Variants in ADGRL1 observed in about 807,000 individuals in gnomAD.
The protein encoded by ADGRL1 is adhesion G protein-coupled receptor L1, also known as CIRL-1.
In ADGRL1, 31 loss-of-function variants were observed where a neutral mutation model predicts 148.9. The ratio of observed to expected loss-of-function variants is 0.21; its 90% CI spans 0.16 to 0.28. The LOEUF is 0.28. ADGRL1 is among the 10% of genes least tolerant of loss of function. The pLI is 1.00. For synonymous variants in ADGRL1, 937 were observed against 900.3 expected (o/e 1.04, Z -0.73); for missense variants, 1,521 against 2,058.8 (o/e 0.74, Z 5.05).
At chr19:14,202,371 GCCT>G (rs1972670612) in intron 1 of ADGRL1, among the ~76,000 whole-genome samples, 1 of 151,980 alleles carries the variant, frequency 6.6e-6, no homozygotes, top group Non-Finnish European at 1.5e-5. Context: ...TCCCGCCTCA[GCCT>G]CCCTGGTAGC....
chr19:14,160,032 G>A lies in ADGRL1; in HGVS notation c.1800+80C>T, dbSNP rs1238385035. 2 of 1,411,952 alleles carry A rather than the reference G, an allele frequency of 1.4e-6. No homozygotes were observed. Among genetic ancestry groups the A allele is most frequent in the East Asian group, 2.3e-5 (1 of 42,644 alleles). 87.5% of individuals were successfully genotyped at this position (1,411,952 alleles called of 1,614,324 possible). On this transcript the variant is annotated intron_variant, in intron 8 of 22. Transcript: ENST00000361434. The surrounding 1 kb of genome is among the most constrained non-coding windows in gnomAD (Gnocchi z 5.9). ...AGTGGAGGTGGCAGCCTGGCTGGGA[G>A]GTACCAGGTCAGGTACTTCCCAAGC...
At chr19:14,170,564 G>A in intron 4 of ADGRL1, 118 bp downstream of exon 4, 1 of 637,766 alleles carries the variant, frequency 1.6e-6, no homozygotes, top group Non-Finnish European at 2.9e-6. Flanking sequence ...AGGCCCGGCT[G>A]TCCCCACTGT....
At chr19:14,202,278 A>C (rs1972664857) in intron 1 of ADGRL1, among the ~76,000 whole-genome samples, 1 of 151,050 alleles carries the variant, frequency 6.6e-6, no homozygotes, top group Non-Finnish European at 1.5e-5. Flanking sequence ...ATTGAGAATG[A>C]GTCTCGCTCT....
rs1969188152 is a variant in ADGRL1 at position 14,160,048 on chromosome 19, C to T, written c.1800+64G>A. ...TGGCTGGGAGGTACCAGGTCAGGTACTTCCCAAGCCCCTGGGGGCAGGCGC... is the reference window on the plus strand; with the variant it reads ...TGGCTGGGAGGTACCAGGTCAGGTATTTCCCAAGCCCCTGGGGGCAGGCGC... On this transcript the variant is annotated intron_variant, in intron 8 of 22. Coordinates refer to ENST00000361434, the MANE Select transcript of ADGRL1 (RefSeq NM_014921.5). The surrounding 1 kb of genome is among the most constrained non-coding windows in gnomAD (Gnocchi z 5.9). 4 of 1,497,362 alleles carry T rather than the reference C, an allele frequency of 2.7e-6. No homozygotes were observed. In the African/African-American group the frequency reaches 4.2e-5, roughly 16 times the overall value. 92.8% of individuals were successfully genotyped at this position (1,497,362 alleles called of 1,614,324 possible). A position where few individuals can be genotyped will look rare whatever the true frequency, so the allele number is the denominator to read the frequency against.
At position 14,160,140 on chromosome 19, in the gene ADGRL1, C is replaced by A; in HGVS notation, c.1772G>T (p.Arg591Leu). 1 of 1,589,226 alleles carries A rather than the reference C, an allele frequency of 6.3e-7. No individual in the cohort carries two copies. The highest frequency in any genetic ancestry group is 8.6e-7 in the Non-Finnish European group (1 of 1,160,078). The change falls in exon 8 of 23, where the codon CGC becomes CTC. Residue 591 changes from arginine (R) to leucine (L), a missense_variant. Coordinates refer to ENST00000361434, the MANE Select transcript of ADGRL1 (RefSeq NM_014921.5). This position sits in a 1 kb window ranked among gnomAD's most constrained non-coding sequence, Gnocchi z 5.9. ...AQLQALRPIE[R>L]ESAGKNYNKM... ...GTTGTAGTTCTTGCCGGCTGACTCG[C>A]GCTCGATGGGCCGCAGGGCCTGCAG...
rs1568569550 is a variant in ADGRL1, at chr19:14,155,543, CAG to C, written c.3126-18_3126-17del. On this transcript the variant is annotated splice_polypyrimidine_tract_variant and intron_variant, in intron 17 of 22. Coordinates refer to ENST00000361434, the MANE Select transcript of ADGRL1 (RefSeq NM_014921.5). This position sits in a 1 kb window ranked among gnomAD's most constrained non-coding sequence, Gnocchi z 5.0. ...CGCCCAGGATCTGGGAGTGGGGCGA[CAG>C]GGGAGTCAAAGTACCCGCCGGAGGG... The C allele has an allele frequency of 3.7e-6, 6 of 1,612,646 alleles. No homozygotes were observed. The South Asian group carries it at 4.4e-5, about 12-fold the overall frequency.
At position 14,172,048 on chromosome 19, in the gene ADGRL1, G is replaced by A. The variant is rs138546570; in HGVS notation, c.285-1257C>T. ...CACTTGAGAAGGGACTAAGGATCTA[G>A]CAGGGAGAGAGAAAAATGGGGGGCA... On this transcript the variant is annotated intron_variant, in intron 3 of 22. Transcript: ENST00000361434. Among the ~76,000 whole-genome samples the A allele has an allele frequency of 2.6e-5, 4 of 152,328 alleles. No homozygotes were observed. In the East Asian group the frequency reaches 7.7e-4, roughly 29 times the overall value.
chr19:14,181,915 G>A (rs534207235), intron 2 of ADGRL1, among the ~76,000 whole-genome samples: 1 of 152,278 alleles, frequency 6.6e-6, no homozygotes, highest in South Asian at 2.1e-4. Flanking sequence ...ATCATCTGGT[G>A]AACCTCCAAG....
rs752703138 is a variant in ADGRL1 at position 14,160,218 on chromosome 19, A to T, written c.1694T>A (p.Val565Asp). ...HTRGSIYAGD[V>D]SSSVKLMEQL... ...CTCCATCAGCTTCACAGAGGAGGAGACGTCCCCCGCGTAGATGGAGCCCCG... is the reference window on the plus strand; with the variant it reads ...CTCCATCAGCTTCACAGAGGAGGAGTCGTCCCCCGCGTAGATGGAGCCCCG... Residue 565 changes from valine (V) to aspartate (D), a missense_variant, in exon 8 of 23, where the codon GTC (valine) becomes GAC (aspartate). Val to Asp is a radical substitution (Grantham distance 152). Coordinates refer to ENST00000361434, the MANE Select transcript of ADGRL1 (RefSeq NM_014921.5). The surrounding 1 kb of genome is among the most constrained non-coding windows in gnomAD (Gnocchi z 5.9). 1 of 1,602,286 alleles carries T rather than the reference A, an allele frequency of 6.2e-7. No homozygotes were observed. The highest frequency in any genetic ancestry group is 8.5e-7 in the Non-Finnish European group (1 of 1,170,568).
Position 14,159,794 on chromosome 19 carries a change from T to C in ADGRL1, c.1801-21A>G, listed in dbSNP as rs1969152771. The stretch of plus-strand genomic sequence containing the variant: ...TGCATCTAGAAAGAGATGGAGGTGA[T>C]GTCAGGCCAGGCCTCTGGGTGCCGG... On this transcript the variant is annotated intron_variant, in intron 8 of 22. Coordinates refer to ENST00000361434, the MANE Select transcript of ADGRL1 (RefSeq NM_014921.5). The surrounding 1 kb of genome is among the most constrained non-coding windows in gnomAD (Gnocchi z 6.0). 3 of 1,611,950 alleles carry C rather than the reference T, an allele frequency of 1.9e-6. No homozygotes were observed. Among genetic ancestry groups the C allele is most frequent in the Non-Finnish European group, 2.5e-6 (3 of 1,178,146 alleles).
rs1967786818 is a variant in ADGRL1 at position 14,148,210 on chromosome 19, G to C, written c.*2663C>G. 1 of 152,978 alleles carries C rather than the reference G, an allele frequency of 6.5e-6. No homozygotes were observed. Among genetic ancestry groups the C allele is most frequent in the Admixed American group, 6.5e-5 (1 of 15,276 alleles). The allele number at this position is 152,978 out of a possible 1,614,324, so 9.5% of individuals were successfully genotyped here. ...AGGCACCAGGTCTGGTTAGGTTGGGGGGACACCTGGGCTCTGGGGGCGGCT... is the reference window on the plus strand; with the variant it reads ...AGGCACCAGGTCTGGTTAGGTTGGGCGGACACCTGGGCTCTGGGGGCGGCT... On this transcript the variant is annotated 3_prime_UTR_variant, in exon 23 of 23. Transcript: ENST00000361434.
Position 14,155,130 on chromosome 19 carries a change from G to T in ADGRL1, c.3294+229C>A, listed in dbSNP as rs913227610. 8 of 393,360 alleles carry T rather than the reference G, an allele frequency of 2.0e-5. No homozygotes were observed. The highest frequency in any genetic ancestry group is 4.1e-5 in the African/African-American group (2 of 48,722). The allele number at this position is 393,360 out of a possible 1,614,324, so 24.4% of individuals were successfully genotyped here. A position where few individuals can be genotyped will look rare whatever the true frequency, so the allele number is the denominator to read the frequency against. ...ATCTGTTCTGCTCTCACTCCTCTAA[G>T]TTGCTGTATCTTGTTTTCCAGAACC... On this transcript the variant is annotated intron_variant, in intron 18 of 22. Coordinates refer to ENST00000361434, the MANE Select transcript of ADGRL1 (RefSeq NM_014921.5). The surrounding 1 kb of genome is among the most constrained non-coding windows in gnomAD (Gnocchi z 5.0).
At chr19:14,202,002 C>A (rs1264563748) in intron 1 of ADGRL1, among the ~76,000 whole-genome samples, 1 of 152,016 alleles carries the variant, frequency 6.6e-6, no homozygotes, top group East Asian at 1.9e-4. Flanking sequence ...GAAAAAGCCT[C>A]GAAAATATCT....
intron 4 of ADGRL1, among the ~76,000 whole-genome samples, chr19:14,167,780 GAC>G (rs1358763424): frequency 2.0e-5 from 3 of 151,772 alleles, no homozygotes; most frequent in Admixed American, 2.0e-4. Flanking sequence ...GGGGGTGGGG[GAC>G]ACAGACTGGG....
chr19:14,166,020 C>T (rs1969926233), intron 4 of ADGRL1, among the ~76,000 whole-genome samples: 1 of 152,116 alleles, frequency 6.6e-6, no homozygotes, highest in South Asian at 2.1e-4. Context: ...CAATAACAGC[C>T]AGTAATGGCC....
At chr19:14,167,432 G>A (rs1038852210) in intron 4 of ADGRL1, among the ~76,000 whole-genome samples, 17 of 152,082 alleles carry the variant, frequency 1.1e-4, no homozygotes, top group Non-Finnish European at 1.5e-4. Context: ...GGTGGGCTCC[G>A]GTCAGAGGGG....
intron 4 of ADGRL1, among the ~76,000 whole-genome samples, chr19:14,164,463 AG>A (rs1423004005): frequency 6.6e-6 from 1 of 152,092 alleles, no homozygotes; most frequent in African/African-American, 2.4e-5. Context: ...GGGTGAGCAG[AG>A]AATTCACTCC....
In ADGRL1 at chr19:14,162,981, C is replaced by T. The variant is rs1353644743; in HGVS notation, c.820G>A (p.Val274Ile). The stretch of plus-strand genomic sequence containing the variant: ...TTGTTGCCCTCAGTGGCGTAGATGA[C>T]CCACAGCCCGTTCTCGTCCACCGCC... ...DLAVDENGLWVIYATEGNNGR... is the reference protein window; with the variant it reads ...DLAVDENGLWIIYATEGNNGR... The change falls in exon 5 of 23, where the codon GTC becomes ATC. Residue 274 changes from valine to isoleucine, a missense_variant. This residue lies in a region of ADGRL1 where 334 missense variants were observed against 512.5 expected (regional missense o/e 0.65). Transcript: ENST00000361434. This position sits in a 1 kb window ranked among gnomAD's most constrained non-coding sequence, Gnocchi z 5.4. The T allele has an allele frequency of 1.2e-6, 2 of 1,613,942 alleles. No homozygotes were observed. Among genetic ancestry groups the T allele is most frequent in the Non-Finnish European group, 1.7e-6 (2 of 1,179,986 alleles).
chr19:14,182,880 C>T (rs78579650), intron 2 of ADGRL1, among the ~76,000 whole-genome samples: 2,075 of 152,318 alleles, frequency 0.014, 43 homozygotes, highest in African/African-American at 0.046. Context: ...CAGAGTCACC[C>T]GCCAATGCCC....
Sources: gnomAD v4.1 joint callset for allele counts (sites outside exome capture counted in the v4.1 genomes callset) on GRCh38, gnomAD v4.1.1 for gene constraint, gnomAD v4.1.1 regional missense constraint, Gnocchi (gnomAD v3.1) non-coding constraint, MANE v1.5 for transcripts, NCBI Gene and HGNC (gene_info 2026-07-23, HGNC 2026-07-21) for gene names.